Variants in ATRNL1 observed in about 807,000 individuals in gnomAD.
ATRNL1 encodes the protein attractin-like protein 1.
A neutral mutation model predicts 182.7 loss-of-function variants in ATRNL1; 95 were observed. The observed-to-expected ratio is 0.52, with a 90% CI of 0.44 to 0.62. The LOEUF is 0.62. ATRNL1 is among the 20% of genes least tolerant of loss of function. The pLI, the probability that ATRNL1 is intolerant of heterozygous loss-of-function variation, is 0.00. For synonymous variants in ATRNL1, 576 were observed against 568.3 expected (o/e 1.01, Z -0.19); for missense variants, 1,471 against 1,679.5 (o/e 0.88, Z 2.17).
At chr10:115,312,054 C>T (rs782074055) in intron 17 of ATRNL1, among the ~76,000 whole-genome samples, 1 of 151,952 alleles carries the variant, frequency 6.6e-6, no homozygotes, top group Non-Finnish European at 1.5e-5. Context: ...GGTTTTTCAT[C>T]CATTCTACCA....
intron 27 of ATRNL1, among the ~76,000 whole-genome samples, chr10:115,846,496 AC>A (rs1950931925): frequency 6.6e-6 from 1 of 152,094 alleles, no homozygotes; most frequent in Non-Finnish European, 1.5e-5. Flanking sequence ...AAAAACCTGA[AC>A]AAATCATTTG....
intron 27 of ATRNL1, among the ~76,000 whole-genome samples, chr10:115,794,373 T>G (rs1949601193): frequency 6.6e-6 from 1 of 152,122 alleles, no homozygotes; most frequent in Admixed American, 6.5e-5. Flanking sequence ...AATGGAGAAA[T>G]TAACACTGAT....
At chr10:115,522,417 G>A (rs974713682) in intron 25 of ATRNL1, among the ~76,000 whole-genome samples, 43 of 152,118 alleles carry the variant, frequency 2.8e-4, no homozygotes, top group Non-Finnish European at 2.1e-4. Context: ...AACTAATAGA[G>A]TGAGAACTCA....
At chr10:115,121,396 C>T (rs1327713700) in intron 2 of ATRNL1, among the ~76,000 whole-genome samples, 1 of 152,176 alleles carries the variant, frequency 6.6e-6, no homozygotes, top group Non-Finnish European at 1.5e-5. Context: ...AGGCGAGAGC[C>T]ACTGCACCTG....
chr10:115,348,736 T>C lies in ATRNL1; in HGVS notation c.3175+14317T>C, dbSNP rs568608643. Among the ~76,000 whole-genome samples the C allele has an allele frequency of 3.9e-5, 6 of 152,266 alleles. No individual in the cohort carries two copies. The East Asian group carries it at 1.2e-3, about 29-fold the overall frequency. On this transcript the variant is annotated intron_variant, in intron 19 of 28. Transcript: ENST00000355044. Reference sequence around the variant, plus strand: ...GTGCTATTATAGTGTTATGAAGAAATTGAGTGATAGAATTAGTGACAAAGA... The same window carrying C: ...GTGCTATTATAGTGTTATGAAGAAACTGAGTGATAGAATTAGTGACAAAGA...
chr10:115,815,969 G>T (rs1267063522), intron 27 of ATRNL1, among the ~76,000 whole-genome samples: 1 of 152,076 alleles, frequency 6.6e-6, no homozygotes, highest in African/African-American at 2.4e-5. Context: ...ACATAAGCAT[G>T]CATTTTGGGC....
chr10:115,207,084 A>G (rs1264767), intron 8 of ATRNL1, among the ~76,000 whole-genome samples: 5,172 of 152,162 alleles, frequency 0.034, 110 homozygotes, highest in African/African-American at 0.052. Flanking sequence ...AATCCAGTCT[A>G]TCATTGATGG....
intron 1 of ATRNL1, among the ~76,000 whole-genome samples, chr10:115,105,956 G>A (rs1311492536): frequency 6.6e-6 from 1 of 152,188 alleles, no homozygotes; most frequent in Non-Finnish European, 1.5e-5. Flanking sequence ...ACATTGCCTA[G>A]TGGAGCTGTG....
At chr10:115,455,828 TATGAACAGACA>T (rs1554968600) in intron 21 of ATRNL1, among the ~76,000 whole-genome samples, 1 of 151,980 alleles carries the variant, frequency 6.6e-6, no homozygotes, top group African/African-American at 2.4e-5. Context: ...GGGCAAAGGA[TATGAACAGACA>T]CTTCTCACAG....
At chr10:115,521,201 G>A (rs1554985092) in intron 25 of ATRNL1, among the ~76,000 whole-genome samples, 1 of 71,044 alleles carries the variant, frequency 1.4e-5, no homozygotes. Context: ...TGTCACCCAG[G>A]CTGGAGCAGT....
At chr10:115,883,684 T>C (rs1044143516) in intron 28 of ATRNL1, among the ~76,000 whole-genome samples, 1 of 152,198 alleles carries the variant, frequency 6.6e-6, no homozygotes, top group East Asian at 1.9e-4. Flanking sequence ...AACTAATTAA[T>C]AGTGCTGGGA....
chr10:115,420,280 G>T (rs1554961704), intron 20 of ATRNL1, among the ~76,000 whole-genome samples: 2 of 151,970 alleles, frequency 1.3e-5, no homozygotes. Context: ...CTGACCTTAG[G>T]TGATCCACCT....
intron 25 of ATRNL1, among the ~76,000 whole-genome samples, chr10:115,538,436 C>T (rs1402528678): frequency 2.0e-5 from 3 of 151,810 alleles, no homozygotes; most frequent in Admixed American, 1.3e-4. Context: ...CTTGCATTTC[C>T]TTAATGGCTA....
intron 8 of ATRNL1, among the ~76,000 whole-genome samples, chr10:115,202,677 A>G (rs1249393021): frequency 2.1e-5 from 3 of 144,754 alleles, no homozygotes; most frequent in Non-Finnish European, 3.0e-5. Context: ...CATCAAGGAT[A>G]TTGGTCTAAA....
chr10:115,713,449 G>GTGTGTGTGTGTGTGTGTGTGTT (rs1555055206), intron 26 of ATRNL1, among the ~76,000 whole-genome samples: 3,117 of 137,666 alleles, frequency 0.023, 113 homozygotes, highest in African/African-American at 0.075. Flanking sequence ...GTGGCTGTGT[G>GTGTGTGTGTGTGTGTGTGTGTT]TGTGTGTGTG....
chr10:115,707,549 C>T (rs1033011658), intron 26 of ATRNL1, among the ~76,000 whole-genome samples: 16 of 151,466 alleles, frequency 1.1e-4, no homozygotes, highest in African/African-American at 3.6e-4. Context: ...TATTCCAAAT[C>T]TTATTTGTAT....
chr10:115,637,603 C>CTATTATTATTATTAT lies in ATRNL1; in HGVS notation c.3795+88090_3795+88104dup, dbSNP rs3087071. ...AAAGTAAGCTAAAGTCAATTTATTA[C>CTATTATTATTATTAT]TATTATTATTATTATTATTATTATT... On this transcript the variant is annotated intron_variant, in intron 26 of 28. Coordinates refer to ENST00000355044, the MANE Select transcript of ATRNL1 (RefSeq NM_207303.4). Among the ~76,000 whole-genome samples the CTATTATTATTATTAT allele has an allele frequency of 4.7e-3, 672 of 141,806 alleles. 3 individuals are homozygous for CTATTATTATTATTAT. The highest frequency in any genetic ancestry group is 0.011 in the East Asian group (55 of 4,880). 93.0% of individuals were successfully genotyped at this position (141,806 alleles called of 152,430 possible).
chr10:115,159,991 C>G, intron 5 of ATRNL1, 49 bp from the exon 6 acceptor site: 3 of 1,370,316 alleles, frequency 2.2e-6, no homozygotes, highest in Non-Finnish European at 3.0e-6. Context: ...TTTCTATAAT[C>G]TGAGGGCTTT....
chr10:115,561,690 G>GGTGTGGGTGTGT (rs1554999706), intron 26 of ATRNL1, among the ~76,000 whole-genome samples: 1 of 50,446 alleles, frequency 2.0e-5, no homozygotes, highest in African/African-American at 7.0e-5. Context: ...TGTGTGTGTG[G>GGTGTGGGTGTGT]GTGTGTGTGT....
Sources: gnomAD v4.1 joint callset for allele counts (sites outside exome capture counted in the v4.1 genomes callset) on GRCh38, gnomAD v4.1.1 for gene constraint, MANE v1.5 for transcripts, NCBI Gene and HGNC (gene_info 2026-07-23, HGNC 2026-07-21) for gene names.